FAM162A: variants seen among roughly 807,000 people sequenced by gnomAD.
The protein encoded by FAM162A is family with sequence similarity 162 member A.
In FAM162A, 23 loss-of-function variants were observed where a neutral mutation model predicts 21.8. The ratio of observed to expected loss-of-function variants is 1.05; its 90% confidence interval spans 0.76 to 1.49. The LOEUF (loss-of-function observed/expected upper bound fraction) is 1.49, where lower values mean the gene tolerates loss of function less well. Among genes scored for constraint, FAM162A ranks in the 40% most tolerant of loss-of-function variants. The pLI, the probability that FAM162A is intolerant of heterozygous loss-of-function variation, is 0.00. For synonymous variants in FAM162A, 53 were observed against 61.3 expected, an observed-to-expected ratio of 0.86 and a Z score of 0.64; for missense variants, 165 against 186.4, an observed-to-expected ratio of 0.89 and a Z score of 0.67.
At chr3:122,402,720 C>A (rs756712535) in intron 1 of FAM162A, 40 bp from the exon 2 acceptor site, 1 of 1,461,036 alleles carries the variant, frequency 6.8e-7, no homozygotes, top group Non-Finnish European at 9.1e-7. Context: ...ATCACATTTT[C>A]TTTCTTTCTT....
intron 1 of FAM162A, among the ~76,000 whole-genome samples, chr3:122,396,236 A>G (rs1272758329): frequency 6.6e-6 from 1 of 152,154 alleles, no homozygotes; most frequent in Non-Finnish European, 1.5e-5. Context: ...AAAGATACCC[A>G]TGGAGTGGGA....
intron 3 of FAM162A, 131 bp downstream of exon 3, chr3:122,404,494 T>C: frequency 2.0e-6 from 1 of 497,060 alleles, no homozygotes; most frequent in Non-Finnish European, 3.6e-6. Flanking sequence ...TTTCCAAATG[T>C]TTTATCTTTG....
At chr3:122,402,218 TAAAC>T (rs969799452) in intron 1 of FAM162A, among the ~76,000 whole-genome samples, 1 of 151,276 alleles carries the variant, frequency 6.6e-6, no homozygotes, top group Non-Finnish European at 1.5e-5. Flanking sequence ...ATTTTTAAAA[TAAAC>T]TATATATATT....
At chr3:122,387,372 G>A (rs190282030) in intron 1 of FAM162A, among the ~76,000 whole-genome samples, 35 of 152,272 alleles carry the variant, frequency 2.3e-4, no homozygotes, top group Non-Finnish European at 3.1e-4. Context: ...TGGACTATGG[G>A]CTGCCTTCCT....
In FAM162A at chr3:122,395,166, T is replaced by G. The variant is rs1288154690; in HGVS notation, c.35-7594T>G. Among the ~76,000 whole-genome samples, 11 of 152,328 alleles carry G rather than the reference T, an allele frequency of 7.2e-5. No homozygotes were observed. In the East Asian group the frequency reaches 2.1e-3, roughly 29 times the overall value. On this transcript the variant is annotated intron_variant, in intron 1 of 4. Coordinates refer to ENST00000477892, the MANE Select transcript of FAM162A (RefSeq NM_014367.4). ...GAAAAACCCACAACTAACATCGGAC[T>G]TAATGGTGAAAGGCTGAATGCGTTT...
intron 1 of FAM162A, among the ~76,000 whole-genome samples, chr3:122,387,252 G>T (rs1193179286): frequency 6.6e-6 from 1 of 152,298 alleles, no homozygotes; most frequent in Admixed American, 6.5e-5. Flanking sequence ...CAAAGGAATG[G>T]AATGACCTTA....
At chr3:122,393,854 C>T (rs1434829169) in intron 1 of FAM162A, among the ~76,000 whole-genome samples, 3 of 152,168 alleles carry the variant, frequency 2.0e-5, no homozygotes, top group East Asian at 3.8e-4. Flanking sequence ...TCTCTAAGCT[C>T]TCACCTCACA....
chr3:122,407,722 G>C, intron 4 of FAM162A: 1 of 376,168 alleles, frequency 2.7e-6, no homozygotes, highest in East Asian at 4.2e-5. Flanking sequence ...CATATTTCCA[G>C]AGTGCTCTTG....
At chr3:122,390,673 C>G (rs920342854) in intron 1 of FAM162A, among the ~76,000 whole-genome samples, 5 of 152,148 alleles carry the variant, frequency 3.3e-5, no homozygotes, top group Non-Finnish European at 5.9e-5. Flanking sequence ...TTATGGGTCC[C>G]CCATAGCAGA....
At chr3:122,403,619 T>G (rs2075662353) in intron 2 of FAM162A, among the ~76,000 whole-genome samples, 1 of 152,206 alleles carries the variant, frequency 6.6e-6, no homozygotes, top group Admixed American at 6.5e-5. Flanking sequence ...GTATTCATGC[T>G]CTTTCCTTCC....
At chr3:122,391,671 C>G (rs769457144) in intron 1 of FAM162A, among the ~76,000 whole-genome samples, 19 of 152,222 alleles carry the variant, frequency 1.2e-4, no homozygotes, top group Non-Finnish European at 2.5e-4. Flanking sequence ...TCAAATTCTA[C>G]TTGTCTTCCC....
chr3:122,397,983 C>CGAT (rs971859649), intron 1 of FAM162A, among the ~76,000 whole-genome samples: 1 of 152,160 alleles, frequency 6.6e-6, no homozygotes, highest in Admixed American at 6.5e-5. Flanking sequence ...AGAAAGAAAG[C>CGAT]TATCAATGAC....
intron 4 of FAM162A, among the ~76,000 whole-genome samples, chr3:122,409,054 T>C (rs1316080503): frequency 3.4e-5 from 5 of 149,222 alleles, no homozygotes; most frequent in Admixed American, 1.3e-4. Context: ...CTTTTACATA[T>C]GAAATTACAC....
At chr3:122,399,872 G>A (rs577424204) in intron 1 of FAM162A, among the ~76,000 whole-genome samples, 2 of 152,262 alleles carry the variant, frequency 1.3e-5, no homozygotes, top group East Asian at 1.9e-4. Context: ...GGGAGGCTGA[G>A]GCAGTCGGAT....
In FAM162A at chr3:122,409,914, G is replaced by A; in HGVS notation, c.*83G>A. On this transcript the variant is annotated 3_prime_UTR_variant, in exon 5 of 5. Transcript: ENST00000477892. ...TGTATTAAAAAGGATGTGGTATGAG[G>A]ATCCATTTCATAAAGTATGATTTGC... The A allele has an allele frequency of 8.5e-7, 1 of 1,172,920 alleles. No homozygotes were observed. Among genetic ancestry groups the A allele is most frequent in the Non-Finnish European group, 1.3e-6 (1 of 786,428 alleles). The allele number at this position is 1,172,920 out of a possible 1,614,324, so 72.7% of individuals were successfully genotyped here.
At position 122,411,162 on chromosome 3, in the gene FAM162A, G is replaced by C. The variant is rs1200036002; in HGVS notation, c.*1331G>C. 3 of 152,168 alleles carry C rather than the reference G, an allele frequency of 2.0e-5. No homozygotes were observed. The highest frequency in any genetic ancestry group is 4.4e-5 in the Non-Finnish European group (3 of 68,034). 9.4% of individuals were successfully genotyped at this position (152,168 alleles called of 1,614,324 possible). ...ATGCCAACATGCTGGTTCTCAGAGA[G>C]TTATAAGAGAGATTAAAAATACATG... On this transcript the variant is annotated 3_prime_UTR_variant, in exon 5 of 5. Coordinates refer to ENST00000477892, the MANE Select transcript of FAM162A (RefSeq NM_014367.4).
Position 122,384,236 on chromosome 3 carries a change from C to T in FAM162A, c.-30C>T, listed in dbSNP as rs763799934. 2.1e-5 allele frequency: 33 copies of T among 1,562,706 alleles called. No homozygotes were observed. The Admixed American group carries it at 4.0e-4, about 19-fold the overall frequency. ...CAGCGCCACCGTCCCCGGCGAAGTT[C>T]TGCGCTGGTCGGCGGAGTAGCAAGT... On this transcript the variant is annotated 5_prime_UTR_variant, in exon 1 of 5. Coordinates refer to ENST00000477892, the MANE Select transcript of FAM162A (RefSeq NM_014367.4).
At chr3:122,384,614 A>G (rs1005729076) in intron 1 of FAM162A, among the ~76,000 whole-genome samples, 39 of 151,454 alleles carry the variant, frequency 2.6e-4, no homozygotes, top group African/African-American at 9.2e-4. Flanking sequence ...AGCACCTACT[A>G]TCCCTAGACC....
At chr3:122,406,898 G>A (rs1213977189) in intron 3 of FAM162A, among the ~76,000 whole-genome samples, 1 of 152,046 alleles carries the variant, frequency 6.6e-6, no homozygotes, top group Admixed American at 6.5e-5. Context: ...ACCTCAGGGA[G>A]AAATGACTGT....
Sources: gnomAD v4.1 joint callset for allele counts (sites outside exome capture counted in the v4.1 genomes callset) on GRCh38, gnomAD v4.1.1 for gene constraint, MANE v1.5 for transcripts, NCBI Gene and HGNC (gene_info 2026-07-23, HGNC 2026-07-21) for gene names.